The following STAC variants were observed in gnomAD, a reference collection of about 807,000 sequenced individuals.
STAC encodes SH3 and cysteine rich domain.
STAC carries 43 observed loss-of-function variants against 48.8 expected under a neutral mutation model. The ratio of observed to expected loss-of-function variants is 0.88; its 90% CI spans 0.69 to 1.14. STAC has a LOEUF of 1.14. Among genes scored for constraint, STAC ranks in the 50% most tolerant of loss-of-function variants. The probability of loss-of-function intolerance (pLI) is 0.00; values close to 1 mark genes in which losing one functional copy is unlikely to be tolerated. For missense variants in STAC, 497 were observed against 504.0 expected (o/e 0.99, Z 0.13); for synonymous variants, 193 against 179.5 (o/e 1.07, Z -0.60).
intron 1 of STAC, among the ~76,000 whole-genome samples, chr3:36,408,753 A>G (rs1000797312): frequency 6.6e-6 from 1 of 152,194 alleles, no homozygotes; most frequent in African/African-American, 2.4e-5. Context: ...AAAAGAATGG[A>G]GAGAACCTGA....
Position 36,443,480 on chromosome 3 carries a change from G to A in STAC, c.228G>A (p.Val76=). ...ACATGAAACTGCAAGCACACATGGTGGCTGAGATCAGCCCCAGCTCCAGCC... is the reference window on the plus strand; with the variant it reads ...ACATGAAACTGCAAGCACACATGGTAGCTGAGATCAGCCCCAGCTCCAGCC... The part of the protein sequence containing the change: ...SEDMKLQAHM[V]AEISPSSSPL... Residue 76 remains valine, a synonymous_variant, in exon 2 of 11, where the codon GTG becomes GTA. Coordinates refer to ENST00000273183, the MANE Select transcript of STAC (RefSeq NM_003149.3). The surrounding 1 kb of genome is among the most constrained non-coding windows in gnomAD (Gnocchi z 4.2). 1 of 1,614,230 alleles carries A rather than the reference G, an allele frequency of 6.2e-7. No individual in the cohort carries two copies. The highest frequency in any genetic ancestry group is 1.1e-5 in the South Asian group (1 of 91,082).
chr3:36,412,153 A>G (rs1477483841), intron 1 of STAC, among the ~76,000 whole-genome samples: 1 of 152,180 alleles, frequency 6.6e-6, no homozygotes, highest in Non-Finnish European at 1.5e-5. Flanking sequence ...AAAGTCATGA[A>G]GATCTTCCTT....
intron 2 of STAC, among the ~76,000 whole-genome samples, chr3:36,464,320 T>C (rs1288558703): frequency 6.6e-6 from 1 of 152,234 alleles, no homozygotes; most frequent in Admixed American, 6.5e-5. Flanking sequence ...ATGTCTTCTT[T>C]TGAGAAGTGT....
intron 1 of STAC, among the ~76,000 whole-genome samples, chr3:36,405,413 G>C (rs73057936): frequency 0.023 from 3,540 of 152,208 alleles, 61 homozygotes; most frequent in Non-Finnish European, 0.026. Flanking sequence ...AGGAGTTCCC[G>C]AAGACACACA....
chr3:36,409,670 C>T (rs1006246021), intron 1 of STAC: 27 of 152,106 alleles, frequency 1.8e-4, no homozygotes, highest in Admixed American at 1.7e-3. Context: ...CATCCATCCA[C>T]GTGCATCTTG....
At chr3:36,484,730 C>T (rs761247922) in intron 3 of STAC, among the ~76,000 whole-genome samples, 3 of 152,154 alleles carry the variant, frequency 2.0e-5, no homozygotes, top group Non-Finnish European at 4.4e-5. Context: ...AGGACAGACA[C>T]GACTGGGGAG....
chr3:36,470,865 T>TG (rs1475205524), intron 2 of STAC, among the ~76,000 whole-genome samples: 1 of 152,266 alleles, frequency 6.6e-6, no homozygotes, highest in Non-Finnish European at 1.5e-5. Flanking sequence ...TCATGAAGTA[T>TG]GGCCAGAATT....
intron 6 of STAC, among the ~76,000 whole-genome samples, chr3:36,498,463 A>C (rs548941729): frequency 1.3e-5 from 2 of 152,308 alleles, no homozygotes; most frequent in South Asian, 4.1e-4. Context: ...ACATAAAGAG[A>C]GAATGGGGCC....
At chr3:36,398,348 AAAG>A (rs1559476967) in intron 1 of STAC, among the ~76,000 whole-genome samples, 27 of 138,120 alleles carry the variant, frequency 2.0e-4, no homozygotes, top group Admixed American at 7.1e-4. Context: ...AGAAAGAAAG[AAAG>A]AAAGAAAGAA....
At chr3:36,393,698 C>T (rs1305857909) in intron 1 of STAC, among the ~76,000 whole-genome samples, 2 of 148,296 alleles carry the variant, frequency 1.3e-5, no homozygotes, top group African/African-American at 2.5e-5. Context: ...CTCATGTGAG[C>T]GTGTAGCAGA....
intron 5 of STAC, among the ~76,000 whole-genome samples, chr3:36,487,918 A>G (rs931582068): frequency 1.3e-5 from 2 of 152,200 alleles, no homozygotes; most frequent in Non-Finnish European, 2.9e-5. Flanking sequence ...TTTTACTGAA[A>G]GAAGGATAAA....
At position 36,505,842 on chromosome 3, in the gene STAC, C is replaced by A; in HGVS notation, c.920+8C>A. On this transcript the variant is annotated splice_region_variant and intron_variant, in intron 8 of 10. Coordinates refer to ENST00000273183, the MANE Select transcript of STAC (RefSeq NM_003149.3). The stretch of plus-strand genomic sequence containing the variant: ...TGAAGATTTGGAAATGAGGTAAAAA[C>A]CTTCTGTAAAGAAAAAAAAGAGTAA... The A allele has an allele frequency of 1.3e-6, 2 of 1,574,982 alleles. No individual in the cohort carries two copies. The highest frequency in any genetic ancestry group is 1.4e-5 in the African/African-American group (1 of 73,102).
In STAC at chr3:36,469,758, AT is replaced by A. The variant is rs531197765; in HGVS notation, c.389-13224del. ...CCCAAACTTCTTGGAGTCTTTGTTC[AT>A]TTTTTTTTTATTTTTTTTTATTTTT... On this transcript the variant is annotated intron_variant, in intron 2 of 10. Transcript: ENST00000273183. Among the ~76,000 whole-genome samples, 28 of 148,384 alleles carry A rather than the reference AT, an allele frequency of 1.9e-4. No individual in the cohort carries two copies. The East Asian group carries it at 3.0e-3, about 16-fold the overall frequency.
Position 36,541,795 on chromosome 3 carries a change from G to C in STAC, c.1111-4396G>C, listed in dbSNP as rs114721185. On this transcript the variant is annotated intron_variant, in intron 10 of 10. Coordinates refer to ENST00000273183, the MANE Select transcript of STAC (RefSeq NM_003149.3). Reference sequence around the variant, plus strand: ...AGCTACATGGTTAGGTATGTGCTGGGCTGGCTAGAGATGGGATGCTGTGTA... The same window carrying C: ...AGCTACATGGTTAGGTATGTGCTGGCCTGGCTAGAGATGGGATGCTGTGTA... Among the ~76,000 whole-genome samples, 889 of 152,276 alleles carry C rather than the reference G, an allele frequency of 5.8e-3. 12 individuals carry two copies. Among genetic ancestry groups the C allele is most frequent in the African/African-American group, 0.019 (789 of 41,550 alleles).
chr3:36,510,375 C>A (rs1440968323), intron 8 of STAC, among the ~76,000 whole-genome samples: 1 of 152,134 alleles, frequency 6.6e-6, no homozygotes, highest in African/African-American at 2.4e-5. Flanking sequence ...ATTAGTTCAA[C>A]CATTGTGGAA....
intron 8 of STAC, among the ~76,000 whole-genome samples, chr3:36,521,133 T>A (rs1698793577): frequency 6.6e-6 from 1 of 151,922 alleles, no homozygotes; most frequent in Non-Finnish European, 1.5e-5. Flanking sequence ...CAGCTTGGTT[T>A]TTCAAGGGTA....
In STAC at chr3:36,398,324, A is replaced by AAAGAAAGAAAGC. The variant is rs758578626; in HGVS notation, c.111+17581_111+17582insCAAGAAAGAAAG. Among the ~76,000 whole-genome samples, 383 of 95,682 alleles carry AAAGAAAGAAAGC rather than the reference A, an allele frequency of 4.0e-3. 3 individuals carry two copies. Among genetic ancestry groups the AAAGAAAGAAAGC allele is most frequent in the African/African-American group, 7.7e-3 (192 of 24,796 alleles). 62.8% of individuals were successfully genotyped at this position (95,682 alleles called of 152,430 possible). ...GAAAGAAAGAAAGAAAGAAAGCAAGAAAGAAAGAAAGAAAGAAAGAAAGAA... is the reference window on the plus strand; with the variant it reads ...GAAAGAAAGAAAGAAAGAAAGCAAGAAAGAAAGAAAGCAAGAAAGAAAGAAAGAAAGAAAGAA... On this transcript the variant is annotated intron_variant, in intron 1 of 10. Coordinates refer to ENST00000273183, the MANE Select transcript of STAC (RefSeq NM_003149.3).
chr3:36,474,996 CGT>C (rs369994742), intron 2 of STAC, among the ~76,000 whole-genome samples: 17 of 151,576 alleles, frequency 1.1e-4, no homozygotes, highest in East Asian at 5.8e-4. Flanking sequence ...TGGCTTTTCT[CGT>C]GTGTGTGTGT....
At chr3:36,403,483 G>A (rs1700036083) in intron 1 of STAC, among the ~76,000 whole-genome samples, 1 of 147,586 alleles carries the variant, frequency 6.8e-6, no homozygotes, top group African/African-American at 2.5e-5. Context: ...TTTTTTAATA[G>A]AAAAAAATTT....
Sources: allele counts gnomAD v4.1 joint callset (sites outside exome capture counted in the v4.1 genomes callset), GRCh38; gene constraint gnomAD v4.1.1; non-coding constraint Gnocchi (gnomAD v3.1); transcripts MANE v1.5; gene names NCBI Gene and HGNC (gene_info 2026-07-23, HGNC 2026-07-21).